The following MACROD1 variants were observed in gnomAD, a reference collection of about 807,000 sequenced individuals.
The protein encoded by MACROD1 is ADP-ribose glycohydrolase MACROD1.
In MACROD1, 31 loss-of-function variants were observed where a neutral mutation model predicts 41.4. The ratio of observed to expected loss-of-function variants is 0.75; its 90% CI spans 0.56 to 1.01. The LOEUF is 1.01. MACROD1 is among the 50% of genes least tolerant of loss of function. The pLI is 0.00. For synonymous variants in MACROD1, 252 were observed against 203.4 expected, an observed-to-expected ratio of 1.24 and a Z score of -2.03; for missense variants, 473 against 460.0, an observed-to-expected ratio of 1.03 and a Z score of -0.26.
intron 3 of MACROD1, among the ~76,000 whole-genome samples, chr11:64,123,091 G>A (rs1945124388): frequency 6.6e-6 from 1 of 152,206 alleles, no homozygotes; most frequent in African/African-American, 2.4e-5. Context: ...AAGGGGCGGG[G>A]AGGGCAACGG....
intron 3 of MACROD1, among the ~76,000 whole-genome samples, chr11:64,149,800 G>A (rs1428117158): frequency 1.3e-5 from 2 of 152,226 alleles, no homozygotes; most frequent in African/African-American, 4.8e-5. Flanking sequence ...TCTGCTCCAG[G>A]CCAGCCCCTC....
chr11:64,153,100 C>T (rs1006546102), intron 1 of MACROD1, among the ~76,000 whole-genome samples: 1 of 152,074 alleles, frequency 6.6e-6, no homozygotes, highest in African/African-American at 2.4e-5. Context: ...ACTCGGGGTC[C>T]ACCCTGGCCG....
chr11:64,005,746 T>C (rs1186332991), intron 4 of MACROD1, among the ~76,000 whole-genome samples: 1 of 152,240 alleles, frequency 6.6e-6, no homozygotes, highest in Non-Finnish European at 1.5e-5. Context: ...CCTGTCATGC[T>C]TTTGGGGGCC....
chr11:64,050,511 C>A (rs2701551), intron 3 of MACROD1, among the ~76,000 whole-genome samples: 4,859 of 152,258 alleles, frequency 0.032, 262 homozygotes, highest in African/African-American at 0.11. Context: ...AGCCCCCATA[C>A]CCTCTATTGC....
At chr11:64,152,668 C>T (rs1456827276) in intron 1 of MACROD1, among the ~76,000 whole-genome samples, 1 of 152,176 alleles carries the variant, frequency 6.6e-6, no homozygotes, top group Non-Finnish European at 1.5e-5. Flanking sequence ...TTCAGCTCTG[C>T]CACTTTCCAG....
chr11:64,069,062 T>G (rs888335218), intron 3 of MACROD1, among the ~76,000 whole-genome samples: 56 of 134,966 alleles, frequency 4.1e-4, no homozygotes, highest in South Asian at 7.3e-4. Flanking sequence ...CAGGTGGGGG[T>G]GGGGCAGGAT....
chr11:64,042,482 C>G (rs1366675006), intron 3 of MACROD1, among the ~76,000 whole-genome samples: 1 of 152,172 alleles, frequency 6.6e-6, no homozygotes, highest in Non-Finnish European at 1.5e-5. Context: ...ATAGAGGAGG[C>G]CCTGTGATGG....
intron 3 of MACROD1, among the ~76,000 whole-genome samples, chr11:64,061,511 G>T (rs1053653314): frequency 4.9e-4 from 74 of 152,088 alleles, no homozygotes; most frequent in African/African-American, 1.7e-3. Flanking sequence ...GCTCCTCCCC[G>T]GCTCTGCACT....
intron 3 of MACROD1, chr11:64,118,300 C>A: frequency 6.5e-7 from 1 of 1,543,288 alleles, no homozygotes; most frequent in Non-Finnish European, 8.8e-7. Flanking sequence ...TGATGCCCGC[C>A]CACCCGGGCT....
chr11:64,107,835 C>T (rs904395009), intron 3 of MACROD1, among the ~76,000 whole-genome samples: 2 of 152,176 alleles, frequency 1.3e-5, no homozygotes, highest in Non-Finnish European at 2.9e-5. Context: ...GGGCATCTGC[C>T]TGAACTAGGG....
intron 3 of MACROD1, among the ~76,000 whole-genome samples, chr11:64,042,901 G>A (rs1943515786): frequency 6.6e-6 from 1 of 152,194 alleles, no homozygotes; most frequent in Admixed American, 6.5e-5. Flanking sequence ...AGCTCTGCCT[G>A]GTTTATCTTC....
At chr11:64,059,140 T>C (rs1943848704) in intron 3 of MACROD1, among the ~76,000 whole-genome samples, 1 of 152,146 alleles carries the variant, frequency 6.6e-6, no homozygotes, top group Admixed American at 6.5e-5. Context: ...GGTCCTTCTC[T>C]TCCTCTTCTG....
At chr11:64,041,546 C>T (rs1206934402) in intron 3 of MACROD1, among the ~76,000 whole-genome samples, 1 of 151,444 alleles carries the variant, frequency 6.6e-6, no homozygotes, top group Non-Finnish European at 1.5e-5. Context: ...TCTGAGTGGT[C>T]GCAGAGGTGG....
chr11:64,049,241 C>T lies in MACROD1; in HGVS notation c.518-33960G>A, dbSNP rs549923483. Among the ~76,000 whole-genome samples the T allele has an allele frequency of 2.6e-5, 4 of 152,182 alleles. No individual in the cohort carries two copies. The East Asian group carries it at 7.7e-4, about 29-fold the overall frequency. The stretch of plus-strand genomic sequence containing the variant: ...CAGAGACCACTGTGTTTGTTAACAC[C>T]CCATTGTGTAGTAGGAAACTGAGGC... On this transcript the variant is annotated intron_variant, in intron 3 of 10. Transcript: ENST00000255681.
chr11:64,025,750 C>T (rs1943216796), intron 3 of MACROD1, among the ~76,000 whole-genome samples: 2 of 146,840 alleles, frequency 1.4e-5, no homozygotes, highest in South Asian at 4.4e-4. Context: ...CGGTCTCGCT[C>T]TGTTGCCCAG....
At chr11:64,127,825 C>T (rs1488323585) in intron 3 of MACROD1, among the ~76,000 whole-genome samples, 1 of 152,208 alleles carries the variant, frequency 6.6e-6, no homozygotes, top group Non-Finnish European at 1.5e-5. Flanking sequence ...AGACGCCCCC[C>T]ATCCCCTAGA....
At position 64,137,419 on chromosome 11, in the gene MACROD1, G is replaced by A. The variant is rs568778267; in HGVS notation, c.517+13820C>T. On this transcript the variant is annotated intron_variant, in intron 3 of 10. Transcript: ENST00000255681. Reference sequence around the variant, plus strand: ...TAGAGAGGAAAAATGAAGAAAAAAGGCCAAGAGGAGAAAGAAAAGAAGGCA... The same window carrying A: ...TAGAGAGGAAAAATGAAGAAAAAAGACCAAGAGGAGAAAGAAAAGAAGGCA... Among the ~76,000 whole-genome samples, 9 of 152,296 alleles carry A rather than the reference G, an allele frequency of 5.9e-5. No homozygotes were observed. In the East Asian group the frequency reaches 1.5e-3, roughly 26 times the overall value.
chr11:64,152,157 G>C, intron 2 of MACROD1, 135 bp downstream of exon 2: 1 of 692,068 alleles, frequency 1.4e-6, no homozygotes. Context: ...AATTGAATGA[G>C]GTGATACACG....
Position 64,026,131 on chromosome 11 carries a change from A to G in MACROD1, c.518-10850T>C, listed in dbSNP as rs141706754. 6.6e-3 allele frequency among the ~76,000 whole-genome samples: 1,007 copies of G among 152,242 alleles called. 15 individuals carry two copies. The highest frequency in any genetic ancestry group is 0.023 in the African/African-American group (968 of 41,532). ...GGGAGGCGGAGGTTGCAGTGAGCCG[A>G]GATTGTGCCATTGCACTCCAGCTCT... On this transcript the variant is annotated intron_variant, in intron 3 of 10. Coordinates refer to ENST00000255681, the MANE Select transcript of MACROD1 (RefSeq NM_014067.4).
Sources: gnomAD v4.1 joint callset for allele counts (sites outside exome capture counted in the v4.1 genomes callset) on GRCh38, gnomAD v4.1.1 for gene constraint, MANE v1.5 for transcripts, NCBI Gene and HGNC (gene_info 2026-07-23, HGNC 2026-07-21) for gene names.